Variants in ZC3H7B observed in about 807,000 individuals in gnomAD.
ZC3H7B encodes the protein zinc finger CCCH domain-containing protein 7B.
Under a neutral mutation model 116.0 loss-of-function variants are expected in ZC3H7B, and 35 were observed. That is an observed-to-expected ratio of 0.30 (90% CI 0.23 to 0.40). ZC3H7B has a LOEUF of 0.40. Among genes scored for constraint, ZC3H7B ranks in the 10% least tolerant of loss-of-function variants. ZC3H7B has a pLI of 1.00. For synonymous variants in ZC3H7B, 502 were observed against 545.6 expected (o/e 0.92, Z 1.11); for missense variants, 1,011 against 1,321.5 (o/e 0.77, Z 3.64).
At chr22:41,321,096 T>G (rs558456836) in intron 2 of ZC3H7B, among the ~76,000 whole-genome samples, 1 of 152,108 alleles carries the variant, frequency 6.6e-6, no homozygotes, top group Non-Finnish European at 1.5e-5. Flanking sequence ...TGAGACAGAA[T>G]CTCTCCTTGT....
intron 1 of ZC3H7B, among the ~76,000 whole-genome samples, chr22:41,318,465 C>T (rs536160200): frequency 2.2e-5 from 3 of 138,068 alleles, no homozygotes; most frequent in African/African-American, 5.5e-5. Context: ...GGAGGCGGAG[C>T]GTGCAGTGAG....
rs996738633 is a variant in ZC3H7B at position 41,301,792 on chromosome 22, C to A, written c.-7+20C>A. The A allele has an allele frequency of 6.6e-6, 1 of 151,890 alleles. No homozygotes were observed. Among genetic ancestry groups the A allele is most frequent in the Non-Finnish European group, 1.5e-5 (1 of 67,954 alleles). The allele number at this position is 151,890 out of a possible 1,614,324, so 9.4% of individuals were successfully genotyped here. On this transcript the variant is annotated intron_variant, in intron 1 of 22. Transcript: ENST00000352645. The stretch of plus-strand genomic sequence containing the variant: ...GCGGAGGTGAGTGCTTGGCGCGGCC[C>A]GAGCCCCGCGGGGCAGAGGCCGGGG...
chr22:41,342,784 T>A (rs1396443722), intron 12 of ZC3H7B, among the ~76,000 whole-genome samples, 156 bp downstream of exon 12: 1 of 152,142 alleles, frequency 6.6e-6, no homozygotes, highest in Non-Finnish European at 1.5e-5. Context: ...GGGCAGGAGT[T>A]TGGGGTCTGT....
chr22:41,321,753 G>C (rs1209642009), intron 2 of ZC3H7B, among the ~76,000 whole-genome samples: 2 of 144,424 alleles, frequency 1.4e-5, no homozygotes, highest in Non-Finnish European at 3.0e-5. Flanking sequence ...TAAGCAACTT[G>C]TTTAAGGTCA....
In ZC3H7B at chr22:41,357,578, C is replaced by G. The variant is rs938330706; in HGVS notation, c.*149C>G. 9.2e-7 allele frequency: 1 copy of G among 1,081,896 alleles called. No individual in the cohort carries two copies. Among genetic ancestry groups the G allele is most frequent in the Non-Finnish European group, 1.3e-6 (1 of 778,410 alleles). The allele number at this position is 1,081,896 out of a possible 1,614,324, so 67.0% of individuals were successfully genotyped here. ...CCCCTGAGGCCCTGTCCATCTTCTC[C>G]CCACCACCGCCCCGGTGTGCGTACC... On this transcript the variant is annotated 3_prime_UTR_variant, in exon 23 of 23. Transcript: ENST00000352645. The surrounding 1 kb of genome is among the most constrained non-coding windows in gnomAD (Gnocchi z 5.4).
chr22:41,345,871 GC>G (rs1281696578), intron 13 of ZC3H7B, 131 bp from the exon 14 acceptor site: 3 of 884,820 alleles, frequency 3.4e-6, no homozygotes, highest in Non-Finnish European at 5.5e-6. Context: ...GGCTCACCTA[GC>G]TGTGTTGGGG....
chr22:41,332,334 G>A (rs2036394282), intron 7 of ZC3H7B, 107 bp downstream of exon 7: 6 of 1,351,966 alleles, frequency 4.4e-6, no homozygotes, highest in East Asian at 2.3e-5. Context: ...AGGGGCCTCC[G>A]CCTCCCTAGG....
In ZC3H7B at chr22:41,327,123, G is replaced by C. The variant is rs960817683; in HGVS notation, c.286-83G>C. The stretch of plus-strand genomic sequence containing the variant: ...GTCTCTGCCAGGAAGGGAAGCTGGT[G>C]TTCCTTCCTAGGCAGGGGCAGGAGG... On this transcript the variant is annotated intron_variant, in intron 4 of 22. Transcript: ENST00000352645. This position sits in a 1 kb window ranked among gnomAD's most constrained non-coding sequence, Gnocchi z 4.5. 3 of 1,553,930 alleles carry C rather than the reference G, an allele frequency of 1.9e-6. No individual in the cohort carries two copies. The African/African-American group carries it at 4.1e-5, about 21-fold the overall frequency.
chr22:41,325,894 T>C lies in ZC3H7B; in HGVS notation c.261T>C (p.Asn87=). ...PRELLCKLHV[N]RAACYFTMGL... ...AGCTGCTGTGCAAGCTGCATGTCAA[T>C]AGGGCCGCCTGCTACTTCACCATGG... The change falls in exon 4 of 23, where the codon AAT becomes AAC. Residue 87 remains asparagine, a synonymous_variant. Transcript: ENST00000352645. 1 of 1,609,002 alleles carries C rather than the reference T, an allele frequency of 6.2e-7. No individual in the cohort carries two copies. Among genetic ancestry groups the C allele is most frequent in the Non-Finnish European group, 8.5e-7 (1 of 1,178,602 alleles).
chr22:41,348,231 C>G, intron 15 of ZC3H7B, 64 bp downstream of exon 15: 2 of 1,438,646 alleles, frequency 1.4e-6, no homozygotes, highest in East Asian at 2.3e-5. Context: ...TCAGGCAGCT[C>G]AGATGGCTGA....
intron 15 of ZC3H7B, among the ~76,000 whole-genome samples, chr22:41,348,619 G>A (rs1360709462): frequency 6.6e-6 from 1 of 152,166 alleles, no homozygotes; most frequent in African/African-American, 2.4e-5. Context: ...GTTCCCCTTG[G>A]TTCTGCCATG....
At chr22:41,306,797 G>C (rs1487961989) in intron 1 of ZC3H7B, among the ~76,000 whole-genome samples, 1 of 152,124 alleles carries the variant, frequency 6.6e-6, no homozygotes, top group Admixed American at 6.6e-5. Context: ...GCCAACCCAG[G>C]ATGTCTGGCT....
chr22:41,336,349 G>A (rs551087414), intron 7 of ZC3H7B: 3 of 152,164 alleles, frequency 2.0e-5, no homozygotes, highest in East Asian at 1.9e-4. Context: ...CTAACATGGT[G>A]AAACCCCATC....
At position 41,325,979 on chromosome 22, in the gene ZC3H7B, C is replaced by T. The variant is rs545254700; in HGVS notation, c.285+61C>T. The T allele has an allele frequency of 1.1e-4, 170 of 1,532,466 alleles. 3 individuals are homozygous for T. In the South Asian group the frequency reaches 1.8e-3, roughly 17 times the overall value. The allele number at this position is 1,532,466 out of a possible 1,614,324, so 94.9% of individuals were successfully genotyped here. On this transcript the variant is annotated intron_variant, in intron 4 of 22. Coordinates refer to ENST00000352645, the MANE Select transcript of ZC3H7B (RefSeq NM_017590.6). ...TGCCCTGATCCCCTGGATGCCCAGT[C>T]GAGCCAGGCCCATACCCCAGTGAGC...
Position 41,351,580 on chromosome 22 carries a change from C to T in ZC3H7B, c.1968C>T (p.Ile656=), listed in dbSNP as rs774199705. 8 of 1,613,642 alleles carry T rather than the reference C, an allele frequency of 5.0e-6. No homozygotes were observed. In the Admixed American group the frequency reaches 1.0e-4, roughly 20 times the overall value. Residue 656 remains isoleucine (I), a synonymous_variant, in exon 17 of 23, where the codon ATC becomes ATT. Transcript: ENST00000352645. The surrounding 1 kb of genome is among the most constrained non-coding windows in gnomAD (Gnocchi z 5.1). ...CCCCAGGCATGACCCACGAAGACATCGTTCAGGAGTCTAAGAAGTACTGGC... is the reference window on the plus strand; with the variant it reads ...CCCCAGGCATGACCCACGAAGACATTGTTCAGGAGTCTAAGAAGTACTGGC... The part of the protein sequence containing the change: ...QQYSGMTHED[I]VQESKKYWQQ...
chr22:41,334,244 A>G lies in ZC3H7B; in HGVS notation c.582+2017A>G, dbSNP rs540255047. ...CAGTGTCAGTTCAGACACTGGGAAT[A>G]GAGCACCAAGGTAGCGTCTCATCAC... On this transcript the variant is annotated intron_variant, in intron 7 of 22. Transcript: ENST00000352645. 4.6e-5 allele frequency: 7 copies of G among 152,408 alleles called. No homozygotes were observed. The South Asian group carries it at 1.4e-3, about 32-fold the overall frequency. The allele number at this position is 152,408 out of a possible 1,614,324, so 9.4% of individuals were successfully genotyped here. A position where few individuals can be genotyped will look rare whatever the true frequency, so the allele number is the denominator to read the frequency against.
At chr22:41,355,332 G>A (rs1413198425) in intron 17 of ZC3H7B, 137 bp from the exon 18 acceptor site, 2 of 1,254,476 alleles carry the variant, frequency 1.6e-6, no homozygotes, top group Non-Finnish European at 2.2e-6. Context: ...GCAGTTGGGA[G>A]GTCACTGCCT....
rs2036310728 is a variant in ZC3H7B, at chr22:41,325,799, C to G, written c.166C>G (p.Leu56Val). The change falls in exon 4 of 23, where the codon CTG (leucine) becomes GTG (valine). Residue 56 changes from leucine (L) to valine (V), a missense_variant. Leu to Val is a conservative substitution (Grantham distance 32). Coordinates refer to ENST00000352645, the MANE Select transcript of ZC3H7B (RefSeq NM_017590.6). ...LFREKDYKQA[L>V]VQYMEGLNVA... Reference sequence around the variant, plus strand: ...CCGGGAGAAGGACTATAAGCAGGCTCTGGTGCAGTACATGGAAGGGCTGAA... The same window carrying G: ...CCGGGAGAAGGACTATAAGCAGGCTGTGGTGCAGTACATGGAAGGGCTGAA... 1 of 1,613,836 alleles carries G rather than the reference C, an allele frequency of 6.2e-7. No homozygotes were observed. Among genetic ancestry groups the G allele is most frequent in the Non-Finnish European group, 8.5e-7 (1 of 1,179,970 alleles).
At position 41,339,040 on chromosome 22, in the gene ZC3H7B, C is replaced by T. The variant is rs137954093; in HGVS notation, c.665C>T (p.Pro222Leu). 6.2e-7 allele frequency: 1 copy of T among 1,606,758 alleles called. No homozygotes were observed. Among genetic ancestry groups the T allele is most frequent in the African/African-American group, 1.3e-5 (1 of 74,834 alleles). ...VDPRGSPALL[P>L]STPTMPLFPH... The stretch of plus-strand genomic sequence containing the variant: ...CCTCGAGGCTCCCCAGCCCTTCTCC[C>T]CTCCACGCCCACGATGCCCCTGTTC... The change falls in exon 9 of 23, where the codon CCC (proline) becomes CTC (leucine). Residue 222 changes from proline (P) to leucine (L), a missense_variant. Transcript: ENST00000352645.
Sources: gnomAD v4.1 joint callset for allele counts (sites outside exome capture counted in the v4.1 genomes callset) on GRCh38, gnomAD v4.1.1 for gene constraint, Gnocchi (gnomAD v3.1) non-coding constraint, MANE v1.5 for transcripts, NCBI Gene and HGNC (gene_info 2026-07-23, HGNC 2026-07-21) for gene names.